The following PPP4R4 variants were observed in gnomAD, a reference collection of about 807,000 sequenced individuals.
The protein encoded by PPP4R4 is serine/threonine-protein phosphatase 4 regulatory subunit 4.
A neutral mutation model predicts 121.8 loss-of-function variants in PPP4R4; 70 were observed. That is an observed-to-expected ratio of 0.57 (90% CI 0.47 to 0.70). PPP4R4 has a LOEUF of 0.70. Among genes scored for constraint, PPP4R4 ranks in the 30% least tolerant of loss-of-function variants. PPP4R4 has a pLI of 0.00. For missense variants in PPP4R4, 875 were observed against 1,033.6 expected, an observed-to-expected ratio of 0.85 and a Z score of 2.10; for synonymous variants, 348 against 355.7, an observed-to-expected ratio of 0.98 and a Z score of 0.24.
chr14:94,196,269 ATATTACTTTCTCTCAAGCCTG>A (rs1465346530), intron 2 of PPP4R4, among the ~76,000 whole-genome samples: 2 of 126,218 alleles, frequency 1.6e-5, no homozygotes, highest in Non-Finnish European at 3.4e-5. Context: ...TCTATCTTAT[ATATTACTTTCTCTCAAGCCTG>A]TATTACTTTC....
intron 2 of PPP4R4, among the ~76,000 whole-genome samples, chr14:94,206,367 G>A (rs968816538): frequency 1.3e-5 from 2 of 151,994 alleles, no homozygotes; most frequent in East Asian, 3.9e-4. Context: ...TTTGAAGTGA[G>A]TTTCTTGTAG....
chr14:94,193,609 T>G (rs1889716577), intron 2 of PPP4R4, among the ~76,000 whole-genome samples: 2 of 151,874 alleles, frequency 1.3e-5, no homozygotes. Context: ...AATAGGGAGG[T>G]TCAGGCTGGC....
chr14:94,253,183 C>T (rs1004755746), intron 16 of PPP4R4, among the ~76,000 whole-genome samples: 18 of 152,268 alleles, frequency 1.2e-4, no homozygotes, highest in African/African-American at 3.9e-4. Context: ...TTGGGCTGGG[C>T]GTCATGGCTC....
Position 94,258,842 on chromosome 14 carries a change from A to G in PPP4R4, c.2052+18A>G. ...TGGATGCTGTAAGTATACTCTCTTT[A>G]CCTTATTGTGTTGGTCCATTTTCAT... On this transcript the variant is annotated intron_variant, in intron 18 of 24. Coordinates refer to ENST00000304338, the MANE Select transcript of PPP4R4 (RefSeq NM_058237.2). 1.3e-6 allele frequency: 2 copies of G among 1,574,670 alleles called. No homozygotes were observed. Among genetic ancestry groups the G allele is most frequent in the Non-Finnish European group, 1.7e-6 (2 of 1,146,168 alleles).
chr14:94,205,204 A>T (rs1890396893), intron 2 of PPP4R4, among the ~76,000 whole-genome samples: 1 of 152,138 alleles, frequency 6.6e-6, no homozygotes, highest in Non-Finnish European at 1.5e-5. Context: ...GACTTTGAAA[A>T]TATTAATTCA....
At chr14:94,266,166 G>A (rs1267722559) in intron 22 of PPP4R4, among the ~76,000 whole-genome samples, 2 of 152,102 alleles carry the variant, frequency 1.3e-5, no homozygotes, top group Non-Finnish European at 2.9e-5. Flanking sequence ...GAGGGAGATA[G>A]TAGTATATCA....
chr14:94,255,720 T>C (rs527559407), intron 16 of PPP4R4, among the ~76,000 whole-genome samples: 4 of 152,322 alleles, frequency 2.6e-5, no homozygotes, highest in African/African-American at 7.2e-5. Context: ...TTTCCTATTG[T>C]TTCTCTTTTT....
intron 3 of PPP4R4, chr14:94,227,319 G>A: frequency 6.2e-7 from 1 of 1,612,586 alleles, no homozygotes; most frequent in Non-Finnish European, 8.5e-7. Flanking sequence ...TATCCAGAGA[G>A]TATGGATCTC....
intron 2 of PPP4R4, among the ~76,000 whole-genome samples, chr14:94,177,315 C>A (rs2139368602): frequency 6.6e-6 from 1 of 152,276 alleles, no homozygotes; most frequent in Middle Eastern, 3.4e-3. Flanking sequence ...TTTCTATTTA[C>A]TTCAAAGAAA....
intron 10 of PPP4R4, 132 bp downstream of exon 10, chr14:94,242,089 A>G: frequency 8.7e-7 from 1 of 1,145,970 alleles, no homozygotes; most frequent in Non-Finnish European, 1.2e-6. Context: ...TAGTATGTGC[A>G]GAGTAAATAT....
At chr14:94,183,829 AT>A (rs754058329) in intron 2 of PPP4R4, among the ~76,000 whole-genome samples, 4 of 152,052 alleles carry the variant, frequency 2.6e-5, no homozygotes, top group Non-Finnish European at 5.9e-5. Context: ...AGCCTATACA[AT>A]TCTGTAGTAC....
intron 1 of PPP4R4, 89 bp from the exon 2 acceptor site, chr14:94,175,965 G>C: frequency 6.0e-6 from 6 of 999,512 alleles, no homozygotes; most frequent in Admixed American, 1.8e-5. Flanking sequence ...TTTTTCATTC[G>C]TTTATCCTCA....
chr14:94,182,104 AG>A (rs1181109624), intron 2 of PPP4R4, among the ~76,000 whole-genome samples: 6 of 152,070 alleles, frequency 3.9e-5, no homozygotes, highest in Non-Finnish European at 8.8e-5. Context: ...CTCCTTTCCA[AG>A]TGTGCTCTGT....
intron 3 of PPP4R4, among the ~76,000 whole-genome samples, chr14:94,226,782 G>A (rs893826641): frequency 3.9e-5 from 6 of 152,014 alleles, no homozygotes; most frequent in African/African-American, 1.4e-4. Flanking sequence ...CAGATATTTT[G>A]TAATTTTAGA....
intron 19 of PPP4R4, among the ~76,000 whole-genome samples, chr14:94,263,760 G>A (rs537917842): frequency 2.6e-5 from 4 of 152,208 alleles, no homozygotes; most frequent in Admixed American, 6.5e-5. Flanking sequence ...AGATAACTCC[G>A]TTAATCCAAC....
rs1893604783 is a variant in PPP4R4 at position 94,258,645 on chromosome 14, C to CT, written c.2011-135dup. ...AAGTACAATGTAGAATTGGGCAGAA[C>CT]TTTAGTTTTCTGACTTAGTCTTCCC... On this transcript the variant is annotated intron_variant, in intron 17 of 24. Transcript: ENST00000304338. The CT allele has an allele frequency of 3.1e-5, 20 of 654,528 alleles. No individual in the cohort carries two copies. In the South Asian group the frequency reaches 3.4e-4, roughly 11 times the overall value. The allele number at this position is 654,528 out of a possible 1,614,324, so 40.5% of individuals were successfully genotyped here. A position where few individuals can be genotyped will look rare whatever the true frequency, so the allele number is the denominator to read the frequency against.
intron 3 of PPP4R4, chr14:94,227,488 G>A: frequency 1.4e-6 from 2 of 1,426,418 alleles, no homozygotes; most frequent in Non-Finnish European, 1.8e-6. Context: ...CTTAACAGTG[G>A]ACAGTCCCAG....
chr14:94,215,162 A>T (rs532102501), intron 3 of PPP4R4, among the ~76,000 whole-genome samples: 1 of 152,320 alleles, frequency 6.6e-6, no homozygotes, highest in East Asian at 1.9e-4. Flanking sequence ...CTTTAGATAT[A>T]TCCTTAAAAA....
At position 94,278,636 on chromosome 14, in the gene PPP4R4, A is replaced by G. The variant is rs766733092; in HGVS notation, c.2615A>G (p.Asn872Ser). ...TCCCAAAGAAAATCCAGAAAATCCA[A>G]TCCTTAAATCAACTGCTTGATGAAG... ...RKATLKSRKSNP is the reference protein window; with the variant it reads ...RKATLKSRKSSP The change falls in exon 25 of 25, where the codon AAT becomes AGT. Residue 872 changes from asparagine (N) to serine (S), a missense_variant. Physicochemically the swap from Asn to Ser is conservative, Grantham distance 46 (BLOSUM62 1). Transcript: ENST00000304338. The G allele has an allele frequency of 7.6e-6, 12 of 1,585,988 alleles. No individual in the cohort carries two copies. The highest frequency in any genetic ancestry group is 3.3e-4 in the Middle Eastern group (2 of 5,982).
Sources: gnomAD v4.1 joint callset for allele counts (sites outside exome capture counted in the v4.1 genomes callset) on GRCh38, gnomAD v4.1.1 for gene constraint, MANE v1.5 for transcripts, NCBI Gene and HGNC (gene_info 2026-07-23, HGNC 2026-07-21) for gene names.